The following PSPH variants were observed in gnomAD, a reference collection of about 807,000 sequenced individuals.
PSPH encodes phosphoserine phosphatase, also known as L-3-phosphoserine phosphatase.
A neutral mutation model predicts 23.4 loss-of-function variants in PSPH; 16 were observed. The observed-to-expected ratio is 0.68, with a 90% CI of 0.46 to 1.04. The LOEUF (loss-of-function observed/expected upper bound fraction) is 1.04, where lower values mean the gene tolerates loss of function less well. Ranked by LOEUF, PSPH falls within the 50% of genes least tolerant of loss-of-function variation. PSPH has a pLI of 0.00. For synonymous variants in PSPH, 68 were observed against 99.7 expected (o/e 0.68, Z 1.89); for missense variants, 223 against 273.7 (o/e 0.81, Z 1.31).
At chr7:56,037,175 A>G (rs1476238880) in intron 1 of PSPH, among the ~76,000 whole-genome samples, 1 of 147,920 alleles carries the variant, frequency 6.8e-6, no homozygotes, top group Non-Finnish European at 1.5e-5. Context: ...CTCTGTCTCA[A>G]AAAAAAAAAA....
chr7:56,036,507 T>C (rs1415873090), intron 1 of PSPH, among the ~76,000 whole-genome samples: 1 of 152,092 alleles, frequency 6.6e-6, no homozygotes, highest in Non-Finnish European at 1.5e-5. Flanking sequence ...TGCATGCCTA[T>C]AGTCCCAGCT....
intron 1 of PSPH, among the ~76,000 whole-genome samples, chr7:56,037,340 T>C (rs1791850031): frequency 6.6e-6 from 1 of 152,010 alleles, no homozygotes; most frequent in South Asian, 2.1e-4. Flanking sequence ...TATTAGCAAA[T>C]TATTTTGCAA....
chr7:56,050,247 C>T (rs1793838263), intron 1 of PSPH, among the ~76,000 whole-genome samples: 2 of 152,040 alleles, frequency 1.3e-5, no homozygotes, highest in African/African-American at 4.8e-5. Context: ...ACTTAAACAT[C>T]AGTCAGTAGG....
At chr7:56,035,337 T>A (rs529165033) in intron 1 of PSPH, among the ~76,000 whole-genome samples, 33 of 151,878 alleles carry the variant, frequency 2.2e-4, no homozygotes, top group Non-Finnish European at 3.7e-4. Flanking sequence ...AGAGTGAAAC[T>A]CCGTTTAAAA....
At chr7:56,013,636 C>A (rs554441172) in intron 7 of PSPH, among the ~76,000 whole-genome samples, 1 of 151,734 alleles carries the variant, frequency 6.6e-6, no homozygotes, top group Non-Finnish European at 1.5e-5. Flanking sequence ...GAGGCTGAGG[C>A]GGGAGGATCA....
chr7:56,047,963 G>A (rs1343321255), intron 1 of PSPH, among the ~76,000 whole-genome samples: 1 of 151,534 alleles, frequency 6.6e-6, no homozygotes, highest in Non-Finnish European at 1.5e-5. Flanking sequence ...ACTGTGCCCG[G>A]CCATAATCTG....
chr7:56,050,043 A>G (rs1793801622), intron 1 of PSPH, among the ~76,000 whole-genome samples: 1 of 152,014 alleles, frequency 6.6e-6, no homozygotes, highest in South Asian at 2.1e-4. Flanking sequence ...GCCTCCTCAT[A>G]ACATTTTTAA....
At chr7:56,020,071 T>C (rs1371076071) in intron 4 of PSPH, among the ~76,000 whole-genome samples, 2 of 151,842 alleles carry the variant, frequency 1.3e-5, no homozygotes. Flanking sequence ...ATGCAAAAAT[T>C]AGCCAGGTGT....
At chr7:56,028,795 C>T (rs147639709) in intron 3 of PSPH, among the ~76,000 whole-genome samples, 3 of 151,990 alleles carry the variant, frequency 2.0e-5, no homozygotes, top group African/African-American at 4.8e-5. Flanking sequence ...TCCCTGTACA[C>T]TTTTGATTTC....
intron 7 of PSPH, among the ~76,000 whole-genome samples, chr7:56,012,955 A>G (rs998919639): frequency 7.2e-6 from 1 of 138,560 alleles, no homozygotes; most frequent in African/African-American, 2.5e-5. Context: ...GCAAAGCCCT[A>G]TGTGAAATGG....
Position 56,049,321 on chromosome 7 carries a change from G to A in PSPH, c.-292+1817C>T, listed in dbSNP as rs115558075. 7.0e-3 allele frequency among the ~76,000 whole-genome samples: 1,065 copies of A among 152,206 alleles called. 9 individuals are homozygous for A. The highest frequency in any genetic ancestry group is 0.023 in the African/African-American group (959 of 41,536). On this transcript the variant is annotated intron_variant, in intron 1 of 7. Coordinates refer to ENST00000275605, the MANE Select transcript of PSPH (RefSeq NM_004577.4). ...CCCCTGACAGGTCCCAGTGTGTGAT[G>A]TTCCCCTCCCTGTACAGACCCATGG...
At chr7:56,030,901 C>CAAA (rs1171402145) in intron 3 of PSPH, among the ~76,000 whole-genome samples, 1 of 147,410 alleles carries the variant, frequency 6.8e-6, no homozygotes, top group Non-Finnish European at 1.5e-5. Flanking sequence ...TCTGTGAAAA[C>CAAA]AAAAAACAAC....
At chr7:56,045,305 G>A (rs1334579524) in intron 1 of PSPH, among the ~76,000 whole-genome samples, 1 of 152,038 alleles carries the variant, frequency 6.6e-6, no homozygotes, top group Non-Finnish European at 1.5e-5. Flanking sequence ...AGGAGTTCAA[G>A]ACCAGCCTGA....
intron 5 of PSPH, among the ~76,000 whole-genome samples, chr7:56,017,608 G>C (rs922813637): frequency 6.6e-6 from 1 of 151,454 alleles, no homozygotes; most frequent in Non-Finnish European, 1.5e-5. Context: ...GGAGTGCAGT[G>C]GTGCGATCTC....
At chr7:56,038,718 C>T (rs1022835708) in intron 1 of PSPH, among the ~76,000 whole-genome samples, 4 of 151,906 alleles carry the variant, frequency 2.6e-5, no homozygotes, top group Non-Finnish European at 4.4e-5. Context: ...TCGAGGCACA[C>T]ACCTCGAATC....
chr7:56,028,413 G>A (rs1180012656), intron 3 of PSPH, among the ~76,000 whole-genome samples: 3 of 151,980 alleles, frequency 2.0e-5, no homozygotes, highest in African/African-American at 7.2e-5. Flanking sequence ...TATTATTTTT[G>A]TAGAGATGAG....
intron 1 of PSPH, among the ~76,000 whole-genome samples, chr7:56,044,042 C>T (rs946776466): frequency 3.3e-5 from 5 of 151,968 alleles, no homozygotes; most frequent in East Asian, 1.9e-4. Context: ...CCGCAACTGT[C>T]GCCTCGTAGG....
chr7:56,047,887 T>A (rs1160123630), intron 1 of PSPH, among the ~76,000 whole-genome samples: 1 of 152,124 alleles, frequency 6.6e-6, no homozygotes, highest in African/African-American at 2.4e-5. Context: ...AGGATGGTCT[T>A]GATCTCTTGA....
chr7:56,018,799 C>A (rs1244896733), intron 5 of PSPH, among the ~76,000 whole-genome samples: 1 of 150,840 alleles, frequency 6.6e-6, no homozygotes, highest in Non-Finnish European at 1.5e-5. Flanking sequence ...GACCCTGTGT[C>A]TACAGAAAAT....
Sources: allele counts gnomAD v4.1 joint callset (sites outside exome capture counted in the v4.1 genomes callset), GRCh38; gene constraint gnomAD v4.1.1; transcripts MANE v1.5; gene names NCBI Gene and HGNC (gene_info 2026-07-23, HGNC 2026-07-21).